Variants in NEO1 observed in about 807,000 individuals in gnomAD.
The protein encoded by NEO1 is neogenin 1, also known as neogenin.
NEO1 carries 63 observed loss-of-function variants against 159.7 expected under a neutral mutation model. The observed-to-expected ratio is 0.39, with a 90% CI of 0.32 to 0.49. NEO1 has a LOEUF of 0.49. Among genes scored for constraint, NEO1 ranks in the 20% least tolerant of loss-of-function variants. The pLI is 0.85. For synonymous variants in NEO1, 633 were observed against 662.0 expected (o/e 0.96, Z 0.67); for missense variants, 1,615 against 1,831.0 (o/e 0.88, Z 2.15).
At chr15:73,121,510 TG>T in intron 2 of NEO1, among the ~76,000 whole-genome samples, 1 of 152,282 alleles carries the variant, frequency 6.6e-6, no homozygotes, top group South Asian at 2.1e-4. Flanking sequence ...TTGTAAAGCT[TG>T]GTACTTTTGT....
rs1310498716 is a variant in NEO1, at chr15:73,258,779, G to T, written c.2106G>T (p.Gly702=). 4 of 1,613,810 alleles carry T rather than the reference G, an allele frequency of 2.5e-6. No individual in the cohort carries two copies. Among genetic ancestry groups the T allele is most frequent in the East Asian group, 2.2e-5 (1 of 44,880 alleles). The change falls in exon 14 of 29, where the codon GGG becomes GGT. Residue 702 remains glycine (G), a synonymous_variant. Transcript: ENST00000261908. The stretch of plus-strand genomic sequence containing the variant: ...ATTTGGTCTCAGGTCTTGATCGGGG[G>T]ACTGAGTATAATTTCCGAGTGGCTG... ...LSQLIEGLDR[G]TEYNFRVAAL...
chr15:73,228,440 A>C (rs2038716709), intron 7 of NEO1, among the ~76,000 whole-genome samples: 1 of 147,742 alleles, frequency 6.8e-6, no homozygotes, highest in South Asian at 2.1e-4. Context: ...GAGTTGTAAG[A>C]GTTCATTATG....
At chr15:73,143,134 GA>G in intron 5 of NEO1, 2 of 154,288 alleles carry the variant, frequency 1.3e-5, no homozygotes. Context: ...TCTACATGTG[GA>G]AAAGCTCCAT....
chr15:73,181,850 T>C (rs948128366), intron 7 of NEO1, among the ~76,000 whole-genome samples: 3 of 152,142 alleles, frequency 2.0e-5, no homozygotes, highest in African/African-American at 7.2e-5. Flanking sequence ...TATCAACTGA[T>C]TGAACATTAA....
chr15:73,145,154 G>A (rs1181068952), intron 5 of NEO1, among the ~76,000 whole-genome samples: 1 of 152,126 alleles, frequency 6.6e-6, no homozygotes, highest in Non-Finnish European at 1.5e-5. Context: ...GGGGGGAGGT[G>A]GAAAACATAG....
At position 73,293,561 on chromosome 15, in the gene NEO1, G is replaced by A; in HGVS notation, c.3901+13G>A. The stretch of plus-strand genomic sequence containing the variant: ...GCCAATTCCACAGGTGAGAGATGAG[G>A]ATCAAGCCCAGATGGAAACCATTCC... On this transcript the variant is annotated intron_variant, in intron 26 of 28. Coordinates refer to ENST00000261908, the MANE Select transcript of NEO1 (RefSeq NM_002499.4). 6.2e-7 allele frequency: 1 copy of A among 1,610,942 alleles called. No individual in the cohort carries two copies. Among genetic ancestry groups the A allele is most frequent in the Non-Finnish European group, 8.5e-7 (1 of 1,177,772 alleles).
chr15:73,278,436 A>G (rs999699685), intron 22 of NEO1, among the ~76,000 whole-genome samples: 1 of 152,230 alleles, frequency 6.6e-6, no homozygotes, highest in Non-Finnish European at 1.5e-5. Flanking sequence ...CAATTTGTTC[A>G]TCCTGTTGCC....
chr15:73,165,079 C>G (rs973491978), intron 5 of NEO1, among the ~76,000 whole-genome samples: 7 of 150,832 alleles, frequency 4.6e-5, no homozygotes, highest in Admixed American at 2.0e-4. Flanking sequence ...AGGCATGTTC[C>G]ACATGCCTGG....
intron 7 of NEO1, among the ~76,000 whole-genome samples, chr15:73,190,395 T>A (rs2036175019): frequency 2.0e-5 from 3 of 152,178 alleles, no homozygotes; most frequent in South Asian, 2.1e-4. Flanking sequence ...CAACTTGTTT[T>A]TAGTAAAGGA....
At chr15:73,199,645 A>G (rs1487124170) in intron 7 of NEO1, among the ~76,000 whole-genome samples, 2 of 152,174 alleles carry the variant, frequency 1.3e-5, no homozygotes, top group Non-Finnish European at 2.9e-5. Context: ...CTTTCTTGGT[A>G]TATTTGTGCT....
At chr15:73,124,539 C>T (rs944524964) in intron 3 of NEO1, among the ~76,000 whole-genome samples, 20 of 152,144 alleles carry the variant, frequency 1.3e-4, no homozygotes, top group African/African-American at 4.6e-4. Flanking sequence ...AGATTGTGAT[C>T]ACTTTATGTT....
intron 7 of NEO1, among the ~76,000 whole-genome samples, chr15:73,179,255 T>C (rs1186386238): frequency 6.6e-6 from 1 of 152,144 alleles, no homozygotes; most frequent in East Asian, 1.9e-4. Context: ...GAATGGCAAC[T>C]ATCAGGAGCA....
intron 22 of NEO1, among the ~76,000 whole-genome samples, chr15:73,282,668 C>CT (rs1395322053): frequency 2.0e-5 from 3 of 152,172 alleles, no homozygotes. Context: ...CTTTATCTGT[C>CT]TAAGTATATC....
At chr15:73,182,455 C>T (rs1159079345) in intron 7 of NEO1, among the ~76,000 whole-genome samples, 2 of 152,132 alleles carry the variant, frequency 1.3e-5, no homozygotes, top group East Asian at 3.9e-4. Flanking sequence ...CTCTTGAGCC[C>T]AGCAGAGAGC....
intron 26 of NEO1, among the ~76,000 whole-genome samples, chr15:73,296,064 G>C (rs1468697274): frequency 6.6e-6 from 1 of 152,192 alleles, no homozygotes; most frequent in African/African-American, 2.4e-5. Context: ...GGCAGCCCTG[G>C]TCTGTGGTAG....
chr15:73,298,523 G>A lies in NEO1; in HGVS notation c.4077G>A (p.Leu1359=). Reference sequence around the variant, plus strand: ...CCCATGTTCGCCCTTCCCACCCATTGAAGAGCTTCGCCGTGCCAGCAATCC... The same window carrying A: ...CCCATGTTCGCCCTTCCCACCCATTAAAGAGCTTCGCCGTGCCAGCAATCC... ...PTAHVRPSHP[L]KSFAVPAIPP... is the part of the protein sequence containing the mutation. The change falls in exon 27 of 29, where the codon TTG becomes TTA. Residue 1359 remains leucine (L), a synonymous_variant. Transcript: ENST00000261908. 1 of 1,614,180 alleles carries A rather than the reference G, an allele frequency of 6.2e-7. No individual in the cohort carries two copies. The highest frequency in any genetic ancestry group is 1.1e-5 in the South Asian group (1 of 91,086).
At chr15:73,205,368 A>T (rs1250772980) in intron 7 of NEO1, among the ~76,000 whole-genome samples, 7 of 152,324 alleles carry the variant, frequency 4.6e-5, no homozygotes, top group Non-Finnish European at 1.0e-4. Flanking sequence ...TGGAGGAACA[A>T]GGAATTTCTT....
intron 7 of NEO1, among the ~76,000 whole-genome samples, chr15:73,185,624 C>T (rs993370888): frequency 2.0e-5 from 3 of 152,084 alleles, no homozygotes; most frequent in African/African-American, 7.2e-5. Flanking sequence ...AGTTGTGCTC[C>T]TTGATGTTTA....
At chr15:73,110,084 T>G (rs931812672) in intron 1 of NEO1, among the ~76,000 whole-genome samples, 1 of 152,186 alleles carries the variant, frequency 6.6e-6, no homozygotes, top group Admixed American at 6.5e-5. Context: ...TTTCTAATTT[T>G]CTAAGGTAGT....
Sources: allele counts gnomAD v4.1 joint callset (sites outside exome capture counted in the v4.1 genomes callset), GRCh38; gene constraint gnomAD v4.1.1; transcripts MANE v1.5; gene names NCBI Gene and HGNC (gene_info 2026-07-23, HGNC 2026-07-21).